Variants in NNT observed in about 807,000 individuals in gnomAD.
NNT encodes NAD(P) transhydrogenase, mitochondrial.
Under a neutral mutation model 104.8 loss-of-function variants are expected in NNT, and 50 were observed. That is an observed-to-expected ratio of 0.48 (90% CI 0.38 to 0.60). NNT has a LOEUF of 0.60. Ranked by LOEUF, NNT falls within the 20% of genes least tolerant of loss-of-function variation. The pLI is 0.00. For missense variants in NNT, 1,131 were observed against 1,330.7 expected (o/e 0.85, Z 2.33); for synonymous variants, 461 against 490.4 (o/e 0.94, Z 0.79).
intron 19 of NNT, among the ~76,000 whole-genome samples, chr5:43,687,556 A>G (rs550719166): frequency 6.6e-6 from 1 of 152,336 alleles, no homozygotes; most frequent in East Asian, 1.9e-4. Context: ...ATCAGTGTGC[A>G]TATATATCTC....
intron 10 of NNT, among the ~76,000 whole-genome samples, chr5:43,646,056 G>C (rs971839500): frequency 6.6e-6 from 1 of 151,980 alleles, no homozygotes; most frequent in Non-Finnish European, 1.5e-5. Flanking sequence ...ATGAAATGCT[G>C]TTGTCTTTTT....
chr5:43,611,555 C>T (rs1336212047), intron 2 of NNT, among the ~76,000 whole-genome samples: 1 of 152,184 alleles, frequency 6.6e-6, no homozygotes, highest in Admixed American at 6.5e-5. Flanking sequence ...TTTCCTCCTT[C>T]TCCTTCCAGT....
intron 7 of NNT, among the ~76,000 whole-genome samples, chr5:43,631,969 GA>G (rs34558570): frequency 0.06 from 6,128 of 102,874 alleles, 128 homozygotes; most frequent in African/African-American, 0.085. Context: ...TTTCTTTTGG[GA>G]AAAAAAAAAA....
At chr5:43,656,178 C>T (rs1319774398) in intron 15 of NNT, 105 bp downstream of exon 15, 1 of 969,250 alleles carries the variant, frequency 1.0e-6, no homozygotes, top group Non-Finnish European at 1.5e-6. Flanking sequence ...CGCAATGGCT[C>T]ATGCCTGCAA....
At chr5:43,644,090 A>G (rs1206196727) in intron 7 of NNT, 102 bp from the exon 8 acceptor site, 16 of 1,118,582 alleles carry the variant, frequency 1.4e-5, no homozygotes, top group Non-Finnish European at 2.0e-5. Flanking sequence ...TTAAAATTTC[A>G]GATGTTAAAT....
chr5:43,607,168 A>G (rs557839470), intron 1 of NNT, among the ~76,000 whole-genome samples: 24 of 152,070 alleles, frequency 1.6e-4, no homozygotes, highest in Middle Eastern at 6.8e-3. Flanking sequence ...CACTCCTGTC[A>G]GGACTCTGAG....
At chr5:43,649,845 A>G (rs1387562336) in intron 11 of NNT, among the ~76,000 whole-genome samples, 4 of 152,246 alleles carry the variant, frequency 2.6e-5, no homozygotes, top group Admixed American at 1.3e-4. Flanking sequence ...GTGGTTGCCC[A>G]GGATCTATTC....
At chr5:43,630,051 C>T (rs1750599345) in intron 7 of NNT, among the ~76,000 whole-genome samples, 1 of 152,160 alleles carries the variant, frequency 6.6e-6, no homozygotes, top group African/African-American at 2.4e-5. Context: ...TTTGCCCAAG[C>T]CAGTGTCTAG....
At chr5:43,695,565 G>A (rs1742514632) in intron 19 of NNT, among the ~76,000 whole-genome samples, 1 of 152,218 alleles carries the variant, frequency 6.6e-6, no homozygotes, top group Non-Finnish European at 1.5e-5. Flanking sequence ...ATAGGATACA[G>A]ATGACTAGGA....
At position 43,645,445 on chromosome 5, in the gene NNT, C is replaced by T; in HGVS notation, c.1379C>T (p.Ala460Val). 1 of 1,575,264 alleles carries T rather than the reference C, an allele frequency of 6.3e-7. No individual in the cohort carries two copies. Among genetic ancestry groups the T allele is most frequent in the Non-Finnish European group, 8.6e-7 (1 of 1,159,590 alleles). The change falls in exon 10 of 22, where the codon GCT becomes GTT. Residue 460 changes from alanine to valine, a missense_variant. Physicochemically the swap from Ala to Val is moderately conservative, Grantham distance 64. Transcript: ENST00000344920. The part of the protein sequence containing the change: ...VKQKTVAELE[A>V]EKAATITPFR... ...CAGAAGACAGTGGCTGAGCTGGAAG[C>T]TGAAAAAGCAGCTACCATTACACCC...
intron 10 of NNT, among the ~76,000 whole-genome samples, chr5:43,646,965 C>T (rs929840285): frequency 2.6e-5 from 4 of 151,978 alleles, no homozygotes; most frequent in Non-Finnish European, 4.4e-5. Flanking sequence ...GGCTGAAATA[C>T]GGATATTTGA....
chr5:43,682,670 A>T (rs1021937755), intron 19 of NNT, among the ~76,000 whole-genome samples: 2 of 152,232 alleles, frequency 1.3e-5, no homozygotes, highest in African/African-American at 4.8e-5. Context: ...AGGCCAGTTA[A>T]AATTATCTTG....
At chr5:43,686,313 G>A (rs1448833320) in intron 19 of NNT, among the ~76,000 whole-genome samples, 1 of 151,540 alleles carries the variant, frequency 6.6e-6, no homozygotes, top group Non-Finnish European at 1.5e-5. Context: ...TGTCAACCAA[G>A]GAAACAACAT....
At position 43,612,957 on chromosome 5, in the gene NNT, A is replaced by C; in HGVS notation, c.201A>C (p.Gln67His). 6.2e-7 allele frequency: 1 copy of C among 1,614,168 alleles called. No individual in the cohort carries two copies. Among genetic ancestry groups the C allele is most frequent in the Non-Finnish European group, 8.5e-7 (1 of 1,180,032 alleles). Residue 67 changes from glutamine to histidine, a missense_variant, in exon 3 of 22, where the codon CAA (glutamine) becomes CAC (histidine). Transcript: ENST00000344920. ...TTGGAGTCCCCAAAGAGATATTCCA[A>C]AATGAGAAGCGAGTGGCATTGTCTC... Reference protein sequence around the residue: ...LTVGVPKEIFQNEKRVALSPA... With the variant: ...LTVGVPKEIFHNEKRVALSPA...
At chr5:43,687,091 C>T (rs956894092) in intron 19 of NNT, among the ~76,000 whole-genome samples, 11 of 152,066 alleles carry the variant, frequency 7.2e-5, no homozygotes, top group African/African-American at 2.4e-4. Flanking sequence ...AATAGAGTGG[C>T]AGGAACTGGT....
rs148971205 is a variant in NNT, at chr5:43,628,829, C to T, written c.964+442C>T. Among the ~76,000 whole-genome samples, 252 of 152,178 alleles carry T rather than the reference C, an allele frequency of 1.7e-3. 1 individual carries two copies. Among genetic ancestry groups the T allele is most frequent in the East Asian group, 0.015 (79 of 5,180 alleles). ...CTCAAACTCCTGACCTCAGGTGATC[C>T]GCCCGCCTTGGTCTCCCAAAGTGCT... is the stretch of plus-strand genomic sequence containing the variant. On this transcript the variant is annotated intron_variant, in intron 7 of 21. Transcript: ENST00000344920.
chr5:43,662,315 C>T (rs939926530), intron 17 of NNT, among the ~76,000 whole-genome samples: 1 of 152,080 alleles, frequency 6.6e-6, no homozygotes, highest in Admixed American at 6.6e-5. Flanking sequence ...GTAAGAGGTA[C>T]TTGTTGAAAG....
chr5:43,674,197 A>G (rs1277448433), intron 17 of NNT, among the ~76,000 whole-genome samples: 2 of 152,210 alleles, frequency 1.3e-5, no homozygotes, highest in Non-Finnish European at 2.9e-5. Flanking sequence ...TGAAAGAACA[A>G]TTACAATTCT....
intron 5 of NNT, among the ~76,000 whole-genome samples, chr5:43,620,381 G>A (rs1234899146): frequency 2.0e-5 from 3 of 151,978 alleles, no homozygotes; most frequent in Admixed American, 6.6e-5. Context: ...CACCATGCCC[G>A]GTTAATTTTT....
Sources: gnomAD v4.1 joint callset for allele counts (sites outside exome capture counted in the v4.1 genomes callset) on GRCh38, gnomAD v4.1.1 for gene constraint, MANE v1.5 for transcripts, NCBI Gene and HGNC (gene_info 2026-07-23, HGNC 2026-07-21) for gene names.